Variants in DACH1 observed in about 807,000 individuals in gnomAD.
DACH1 encodes dachshund family transcription factor 1, also known as dachshund homolog 1.
DACH1 carries 12 observed loss-of-function variants against 54.2 expected under a neutral mutation model. That is an observed-to-expected ratio of 0.22 (90% CI 0.14 to 0.36). The LOEUF is 0.36. Ranked by LOEUF, DACH1 falls within the 10% of genes least tolerant of loss-of-function variation. The pLI is 1.00. For synonymous variants in DACH1, 386 were observed against 366.2 expected, an observed-to-expected ratio of 1.05 and a Z score of -0.62; for missense variants, 805 against 929.8, an observed-to-expected ratio of 0.87 and a Z score of 1.75.
chr13:71,699,948 T>A, intron 1 of DACH1, among the ~76,000 whole-genome samples: 1 of 152,262 alleles, frequency 6.6e-6, no homozygotes, highest in East Asian at 1.9e-4. Flanking sequence ...CTTATTTAAC[T>A]ACATTTCTGA....
intron 6 of DACH1, among the ~76,000 whole-genome samples, chr13:71,534,048 G>GCCTTTAC (rs1566321968): frequency 1.3e-5 from 2 of 151,958 alleles, no homozygotes; most frequent in African/African-American, 4.8e-5. Context: ...TTTACAAAAT[G>GCCTTTAC]AAATTTTGAC....
rs73523490 is a variant in DACH1 at position 71,735,690 on chromosome 13, G to A, written c.849-53780C>T. ...ATATATCCCTTCCTACTTGACAAACGCATTGCTTAGATGGGTTAAGATTCT... is the reference window on the plus strand; with the variant it reads ...ATATATCCCTTCCTACTTGACAAACACATTGCTTAGATGGGTTAAGATTCT... On this transcript the variant is annotated intron_variant, in intron 1 of 10. Coordinates refer to ENST00000613252, the MANE Select transcript of DACH1 (RefSeq NM_080759.6). 7.5e-3 allele frequency among the ~76,000 whole-genome samples: 1,135 copies of A among 151,500 alleles called. 21 individuals are homozygous for A. The highest frequency in any genetic ancestry group is 0.026 in the African/African-American group (1,070 of 41,262).
chr13:71,627,335 CAAAAAAA>C (rs1221837020), intron 3 of DACH1, among the ~76,000 whole-genome samples: 1 of 70,104 alleles, frequency 1.4e-5, no homozygotes, highest in Admixed American at 1.5e-4. Flanking sequence ...AACGCTCTTA[CAAAAAAA>C]AAAAAAAAAA....
intron 1 of DACH1, among the ~76,000 whole-genome samples, chr13:71,812,172 G>A (rs1887737047): frequency 6.6e-6 from 1 of 152,070 alleles, no homozygotes; most frequent in African/African-American, 2.4e-5. Flanking sequence ...TAAATACAGA[G>A]CATAAAGCTC....
chr13:71,452,519 CTAGT>C (rs1472236464), intron 10 of DACH1, among the ~76,000 whole-genome samples: 1 of 152,230 alleles, frequency 6.6e-6, no homozygotes, highest in South Asian at 2.1e-4. Flanking sequence ...TTATTAATAA[CTAGT>C]TAAAGATTTA....
chr13:71,669,100 C>T (rs1430382148), intron 2 of DACH1, among the ~76,000 whole-genome samples: 1 of 152,110 alleles, frequency 6.6e-6, no homozygotes, highest in Non-Finnish European at 1.5e-5. Flanking sequence ...CATCATAAAA[C>T]TCTGAATCGG....
intron 2 of DACH1, among the ~76,000 whole-genome samples, chr13:71,673,320 G>C (rs2138681258): frequency 6.6e-6 from 1 of 152,112 alleles, no homozygotes; most frequent in East Asian, 1.9e-4. Flanking sequence ...TTTAACAGAA[G>C]TACTCTGTTT....
chr13:71,858,807 AT>A (rs1349386513), intron 1 of DACH1, among the ~76,000 whole-genome samples: 2 of 151,546 alleles, frequency 1.3e-5, no homozygotes, highest in Non-Finnish European at 3.0e-5. Context: ...GAAAAATGTA[AT>A]GTATTCCAGG....
At chr13:71,453,251 A>T (rs1393444935) in intron 10 of DACH1, among the ~76,000 whole-genome samples, 1 of 152,172 alleles carries the variant, frequency 6.6e-6, no homozygotes, top group Non-Finnish European at 1.5e-5. Flanking sequence ...ACTAAGAAAC[A>T]AGGGTGGAAG....
rs140335206 is a variant in DACH1, at chr13:71,499,111, GCA to G, written c.1571-9965_1571-9964del. Among the ~76,000 whole-genome samples, 701 of 125,528 alleles carry G rather than the reference GCA, an allele frequency of 5.6e-3. 2 individuals are homozygous for G. The highest frequency in any genetic ancestry group is 0.015 in the African/African-American group (544 of 35,136). The allele number at this position is 125,528 out of a possible 152,430, so 82.4% of individuals were successfully genotyped here. A position where few individuals can be genotyped will look rare whatever the true frequency, so the allele number is the denominator to read the frequency against. On this transcript the variant is annotated intron_variant, in intron 6 of 10. Coordinates refer to ENST00000613252, the MANE Select transcript of DACH1 (RefSeq NM_080759.6). ...TAAACACACACACATGCGAGCACGC[GCA>G]CACACACACACACACACACGCAGAC...
At chr13:71,466,640 C>A (rs971054816) in intron 10 of DACH1, among the ~76,000 whole-genome samples, 1 of 151,938 alleles carries the variant, frequency 6.6e-6, no homozygotes, top group African/African-American at 2.4e-5. Flanking sequence ...CTCAGGAGTT[C>A]GAGATCAGCC....
intron 6 of DACH1, among the ~76,000 whole-genome samples, chr13:71,502,417 T>C (rs1194989149): frequency 6.6e-6 from 1 of 152,166 alleles, no homozygotes; most frequent in Non-Finnish European, 1.5e-5. Context: ...AGAATATCTC[T>C]TTGGAAATTT....
At chr13:71,630,186 T>C (rs1274682418) in intron 3 of DACH1, among the ~76,000 whole-genome samples, 1 of 152,126 alleles carries the variant, frequency 6.6e-6, no homozygotes, top group Non-Finnish European at 1.5e-5. Context: ...AACAAATGGA[T>C]TAAAAGAATA....
At chr13:71,659,491 A>G (rs1879358452) in intron 2 of DACH1, among the ~76,000 whole-genome samples, 1 of 152,166 alleles carries the variant, frequency 6.6e-6, no homozygotes, top group South Asian at 2.1e-4. Flanking sequence ...TAAGGGATTC[A>G]GGAGGAGGAA....
At chr13:71,709,713 T>C (rs1222443770) in intron 1 of DACH1, among the ~76,000 whole-genome samples, 2 of 152,196 alleles carry the variant, frequency 1.3e-5, no homozygotes, top group Admixed American at 6.5e-5. Context: ...ATTATAAGTA[T>C]GCACATATAG....
chr13:71,613,052 T>C (rs184870891), intron 3 of DACH1, among the ~76,000 whole-genome samples: 193 of 152,274 alleles, frequency 1.3e-3, no homozygotes, highest in Non-Finnish European at 2.3e-3. Context: ...GATGTTATTA[T>C]AGATTGTGCA....
At chr13:71,520,325 G>C (rs1881505238) in intron 6 of DACH1, among the ~76,000 whole-genome samples, 1 of 151,628 alleles carries the variant, frequency 6.6e-6, no homozygotes, top group African/African-American at 2.4e-5. Context: ...TGAAGAAACA[G>C]TTCAATCCAC....
chr13:71,713,722 A>T (rs1882837211), intron 1 of DACH1, among the ~76,000 whole-genome samples: 1 of 152,096 alleles, frequency 6.6e-6, no homozygotes, highest in Non-Finnish European at 1.5e-5. Context: ...GTATTAGATA[A>T]ATTGTAGTAG....
At chr13:71,761,138 T>C (rs571324924) in intron 1 of DACH1, among the ~76,000 whole-genome samples, 1 of 152,258 alleles carries the variant, frequency 6.6e-6, no homozygotes, top group East Asian at 1.9e-4. Context: ...GTAGATTAAG[T>C]CCTTAATCAA....
Sources: gnomAD v4.1 joint callset for allele counts (sites outside exome capture counted in the v4.1 genomes callset) on GRCh38, gnomAD v4.1.1 for gene constraint, MANE v1.5 for transcripts, NCBI Gene and HGNC (gene_info 2026-07-23, HGNC 2026-07-21) for gene names.